BMERB1: variants seen among roughly 807,000 people sequenced by gnomAD.
The protein encoded by BMERB1 is bMERB domain-containing protein 1.
BMERB1 carries 12 observed loss-of-function variants against 23.6 expected under a neutral mutation model. The ratio of observed to expected loss-of-function variants is 0.51; its 90% CI spans 0.33 to 0.82. The LOEUF is 0.82. Ranked by LOEUF, BMERB1 falls within the 40% of genes least tolerant of loss-of-function variation. The pLI, the probability that BMERB1 is intolerant of heterozygous loss-of-function variation, is 0.03. For missense variants in BMERB1, 247 were observed against 255.4 expected (o/e 0.97, Z 0.22); for synonymous variants, 122 against 96.6 (o/e 1.26, Z -1.54).
intron 2 of BMERB1, among the ~76,000 whole-genome samples, chr16:15,539,414 C>T (rs909139839): frequency 6.6e-6 from 1 of 152,220 alleles, no homozygotes; most frequent in African/African-American, 2.4e-5. Context: ...TGGCTCCTAA[C>T]AGGCCAAGGA....
chr16:15,582,668 C>G (rs927689159), intron 4 of BMERB1, among the ~76,000 whole-genome samples: 7 of 150,904 alleles, frequency 4.6e-5, no homozygotes, highest in African/African-American at 1.5e-4. Flanking sequence ...TCTTGAGTTA[C>G]GATTGCACCA....
chr16:15,585,828 CAAGAA>C (rs751074813), intron 5 of BMERB1, among the ~76,000 whole-genome samples: 55 of 151,852 alleles, frequency 3.6e-4, no homozygotes, highest in South Asian at 1.2e-3. Context: ...GACTCCATCT[CAAGAA>C]AAGAAAAGAA....
At chr16:15,448,443 C>T (rs2051010334) in intron 1 of BMERB1, among the ~76,000 whole-genome samples, 1 of 152,206 alleles carries the variant, frequency 6.6e-6, no homozygotes, top group African/African-American at 2.4e-5. Context: ...CTTCTAAGTG[C>T]TCTCAATGTG....
intron 1 of BMERB1, among the ~76,000 whole-genome samples, chr16:15,509,398 T>G (rs1479582542): frequency 2.6e-5 from 4 of 151,856 alleles, no homozygotes; most frequent in Non-Finnish European, 5.9e-5. Context: ...TCTGGCTGTG[T>G]GATGTTGAAC....
rs567843928 is a variant in BMERB1 at position 15,519,326 on chromosome 16, T to C, written c.230+3898T>C. Among the ~76,000 whole-genome samples, 8 of 152,332 alleles carry C rather than the reference T, an allele frequency of 5.3e-5. No individual in the cohort carries two copies. In the East Asian group the frequency reaches 7.7e-4, roughly 15 times the overall value. On this transcript the variant is annotated intron_variant, in intron 2 of 5. Coordinates refer to ENST00000300006, the MANE Select transcript of BMERB1 (RefSeq NM_033201.3). ...CCCATCAGCTGCTGCAGAGACCATG[T>C]GAGTCAGCCCCTATTTCATGGTTGA...
chr16:15,448,497 G>A (rs150172096), intron 1 of BMERB1, among the ~76,000 whole-genome samples: 1 of 152,118 alleles, frequency 6.6e-6, no homozygotes, highest in Non-Finnish European at 1.5e-5. Context: ...GTCTTAACCA[G>A]TTAAAAATAT....
chr16:15,449,552 T>C (rs1360266185), intron 1 of BMERB1, among the ~76,000 whole-genome samples: 2 of 152,010 alleles, frequency 1.3e-5, no homozygotes, highest in African/African-American at 4.8e-5. Flanking sequence ...TTCTTTAATT[T>C]TTTTTTTTTA....
At chr16:15,525,795 C>G (rs939008280) in intron 2 of BMERB1, among the ~76,000 whole-genome samples, 6 of 151,836 alleles carry the variant, frequency 4.0e-5, no homozygotes, top group Admixed American at 3.3e-4. Flanking sequence ...TCTGGAGAAC[C>G]CTGACTGATA....
rs1252777114 is a variant in BMERB1 at position 15,576,885 on chromosome 16, G to A, written c.305-4332G>A. Among the ~76,000 whole-genome samples the A allele has an allele frequency of 2.0e-5, 3 of 152,132 alleles. No individual in the cohort carries two copies. In the East Asian group the frequency reaches 5.8e-4, roughly 29 times the overall value. ...TTTAATAGGCAAAAGAAAGAGAAAAGGGAACAGCTCTCTCGGTCTCTCTCG... is the reference window on the plus strand; with the variant it reads ...TTTAATAGGCAAAAGAAAGAGAAAAAGGAACAGCTCTCTCGGTCTCTCTCG... On this transcript the variant is annotated intron_variant, in intron 3 of 5. Coordinates refer to ENST00000300006, the MANE Select transcript of BMERB1 (RefSeq NM_033201.3).
intron 1 of BMERB1, among the ~76,000 whole-genome samples, chr16:15,503,096 A>G (rs956489228): frequency 6.6e-6 from 1 of 152,148 alleles, no homozygotes; most frequent in African/African-American, 2.4e-5. Context: ...AATATTCAGG[A>G]AAAAAATCCA....
chr16:15,534,088 A>G (rs1348369345), intron 2 of BMERB1, among the ~76,000 whole-genome samples: 1 of 151,944 alleles, frequency 6.6e-6, no homozygotes, highest in African/African-American at 2.4e-5. Context: ...ACAATGCCCT[A>G]TCCTACTCCC....
intron 1 of BMERB1, among the ~76,000 whole-genome samples, chr16:15,488,713 G>A (rs2051388775): frequency 6.6e-6 from 1 of 150,518 alleles, no homozygotes. Flanking sequence ...CGTGGTGGTG[G>A]GTGTCTGTGG....
intron 1 of BMERB1, among the ~76,000 whole-genome samples, chr16:15,453,930 G>A (rs78720749): frequency 6.6e-5 from 10 of 152,086 alleles, no homozygotes; most frequent in African/African-American, 2.2e-4. Context: ...AATAACCACT[G>A]AGAGCATCCC....
At position 15,586,757 on chromosome 16, in the gene BMERB1, G is replaced by A. The variant is rs779363288; in HGVS notation, c.543G>A (p.Lys181=). ...AEKKAEPPPS[K]PTVAKTGLAL... ...AGAAAGCAGAGCCCCCACCTAGCAAGCCCACGGTGGCCAAGACGGGGCTGG... is the reference window on the plus strand; with the variant it reads ...AGAAAGCAGAGCCCCCACCTAGCAAACCCACGGTGGCCAAGACGGGGCTGG... The change falls in exon 6 of 6, where the codon AAG becomes AAA. Residue 181 remains lysine (K), a synonymous_variant. Coordinates refer to ENST00000300006, the MANE Select transcript of BMERB1 (RefSeq NM_033201.3). 8.7e-6 allele frequency: 14 copies of A among 1,612,470 alleles called. No individual in the cohort carries two copies. Among genetic ancestry groups the A allele is most frequent in the South Asian group, 1.1e-5 (1 of 90,500 alleles).
Position 15,569,822 on chromosome 16 carries a change from C to T in BMERB1, c.304+1766C>T, listed in dbSNP as rs539079633. 2.6e-5 allele frequency among the ~76,000 whole-genome samples: 4 copies of T among 152,242 alleles called. No homozygotes were observed. In the South Asian group the frequency reaches 8.3e-4, roughly 32 times the overall value. ...TTGGGGAAGTTGCAAATCTTGTGAC[C>T]TCTGGAATAATGGCAGTAGTCATTT... On this transcript the variant is annotated intron_variant, in intron 3 of 5. Coordinates refer to ENST00000300006, the MANE Select transcript of BMERB1 (RefSeq NM_033201.3).
chr16:15,532,009 C>T (rs1050367981), intron 2 of BMERB1, among the ~76,000 whole-genome samples: 2 of 152,140 alleles, frequency 1.3e-5, no homozygotes, highest in East Asian at 1.9e-4. Flanking sequence ...CCCGAGCACC[C>T]CCTTAAGGCA....
At chr16:15,586,578 C>A in intron 5 of BMERB1, 139 bp from the exon 6 acceptor site, 1 of 707,636 alleles carries the variant, frequency 1.4e-6, no homozygotes, top group South Asian at 1.6e-5. Context: ...GCTCTCCATA[C>A]CACCTGAACA....
At chr16:15,543,130 A>G (rs1415778531) in intron 2 of BMERB1, among the ~76,000 whole-genome samples, 1 of 152,060 alleles carries the variant, frequency 6.6e-6, no homozygotes, top group African/African-American at 2.4e-5. Context: ...GGGGAGCTGG[A>G]AAGGGGATGG....
chr16:15,575,867 A>T (rs1183670876), intron 3 of BMERB1, among the ~76,000 whole-genome samples: 1 of 151,826 alleles, frequency 6.6e-6, no homozygotes. Context: ...TTCTCATGTG[A>T]CACACAGAAA....
Sources: allele counts gnomAD v4.1 joint callset (sites outside exome capture counted in the v4.1 genomes callset), GRCh38; gene constraint gnomAD v4.1.1; transcripts MANE v1.5; gene names NCBI Gene and HGNC (gene_info 2026-07-23, HGNC 2026-07-21).